Variants in GRID1 observed in about 807,000 individuals in gnomAD.
GRID1 encodes the protein glutamate receptor ionotropic, delta-1.
Under a neutral mutation model 98.0 loss-of-function variants are expected in GRID1, and 28 were observed. The observed-to-expected ratio is 0.29, with a 90% confidence interval of 0.21 to 0.39. The LOEUF (loss-of-function observed/expected upper bound fraction) is 0.39, where lower values mean the gene tolerates loss of function less well. Among genes scored for constraint, GRID1 ranks in the 10% least tolerant of loss-of-function variants. The probability of loss-of-function intolerance (pLI) is 1.00; values close to 1 mark genes in which losing one functional copy is unlikely to be tolerated. For missense variants in GRID1, 1,111 were observed against 1,340.5 expected (o/e 0.83, Z 2.67); for synonymous variants, 553 against 538.5 (o/e 1.03, Z -0.37).
At chr10:85,681,704 G>A (rs1050116679) in intron 12 of GRID1, among the ~76,000 whole-genome samples, 13 of 152,044 alleles carry the variant, frequency 8.6e-5, no homozygotes, top group African/African-American at 2.7e-4. Flanking sequence ...TTCAGCCCAC[G>A]CACCTGACAC....
In GRID1 at chr10:86,268,034, C is replaced by T. The variant is rs138441602; in HGVS notation, c.236-61386G>A. Among the ~76,000 whole-genome samples, 335 of 152,304 alleles carry T rather than the reference C, an allele frequency of 2.2e-3. 1 individual carries two copies. The highest frequency in any genetic ancestry group is 3.6e-3 in the Non-Finnish European group (243 of 68,024). On this transcript the variant is annotated intron_variant, in intron 2 of 15. Coordinates refer to ENST00000327946, the MANE Select transcript of GRID1 (RefSeq NM_017551.3). The stretch of plus-strand genomic sequence containing the variant: ...CTGTGTCATGCACAGTCATCTTACC[C>T]GGAGGCAAACCTTTCCTGGGTTATA...
intron 2 of GRID1, among the ~76,000 whole-genome samples, chr10:86,211,172 C>A (rs1003625181): frequency 8.5e-5 from 13 of 152,222 alleles, no homozygotes; most frequent in Non-Finnish European, 1.6e-4. Context: ...TGCTGCCTGG[C>A]ACATAGTAGC....
chr10:86,203,271 G>A (rs1845978742), intron 3 of GRID1, among the ~76,000 whole-genome samples: 1 of 152,174 alleles, frequency 6.6e-6, no homozygotes, highest in Non-Finnish European at 1.5e-5. Context: ...GAGTCAGTGG[G>A]AGGAGGGGCC....
rs73334801 is a variant in GRID1, at chr10:85,845,823, G to A, written c.1233+8673C>T. Among the ~76,000 whole-genome samples the A allele has an allele frequency of 5.7e-3, 867 of 152,270 alleles. 8 individuals are homozygous for A. The highest frequency in any genetic ancestry group is 0.02 in the African/African-American group (815 of 41,536). ...ATCTAAAACTACATACAACAATAAT[G>A]ATGAATCTTACTAACATAATGTTGA... On this transcript the variant is annotated intron_variant, in intron 8 of 15. Coordinates refer to ENST00000327946, the MANE Select transcript of GRID1 (RefSeq NM_017551.3).
chr10:85,861,640 G>A (rs1843164769), intron 6 of GRID1, among the ~76,000 whole-genome samples: 1 of 152,240 alleles, frequency 6.6e-6, no homozygotes, highest in African/African-American at 2.4e-5. Context: ...ACATAGCAAG[G>A]CTGGCTCAGC....
At chr10:86,024,910 G>A (rs1297028401) in intron 4 of GRID1, among the ~76,000 whole-genome samples, 5 of 152,122 alleles carry the variant, frequency 3.3e-5, no homozygotes, top group Non-Finnish European at 5.9e-5. Flanking sequence ...GATGAGGCCA[G>A]TCATCCTAGG....
intron 4 of GRID1, among the ~76,000 whole-genome samples, chr10:86,047,858 C>G (rs1843446455): frequency 6.6e-6 from 1 of 152,318 alleles, no homozygotes; most frequent in African/African-American, 2.4e-5. Context: ...AGCTTCTGTT[C>G]TCAGAGGTTA....
At chr10:85,825,243 G>A (rs773247889) in intron 8 of GRID1, among the ~76,000 whole-genome samples, 1 of 152,206 alleles carries the variant, frequency 6.6e-6, no homozygotes, top group Non-Finnish European at 1.5e-5. Context: ...GCTGGGGTAA[G>A]GTGATATTTC....
intron 7 of GRID1, among the ~76,000 whole-genome samples, chr10:85,854,896 C>A (rs1315191318): frequency 1.3e-5 from 2 of 152,234 alleles, no homozygotes; most frequent in African/African-American, 4.8e-5. Context: ...AGGCACCATG[C>A]TAGCCATGAG....
At chr10:86,029,216 G>A (rs1379911630) in intron 4 of GRID1, among the ~76,000 whole-genome samples, 1 of 152,166 alleles carries the variant, frequency 6.6e-6, no homozygotes, top group African/African-American at 2.4e-5. Flanking sequence ...CCTTGTCATT[G>A]TAGCAAATGG....
At chr10:86,115,774 C>T (rs1191571245) in intron 4 of GRID1, among the ~76,000 whole-genome samples, 1 of 152,214 alleles carries the variant, frequency 6.6e-6, no homozygotes, top group African/African-American at 2.4e-5. Context: ...GCAGAAGGAG[C>T]CTGCTGGTCT....
At chr10:86,145,547 T>TACACACAC (rs201208047) in intron 3 of GRID1, among the ~76,000 whole-genome samples, 4 of 145,628 alleles carry the variant, frequency 2.7e-5, no homozygotes, top group Non-Finnish European at 6.0e-5. Context: ...ATCCTCCACA[T>TACACACAC]ACACACACAC....
At chr10:85,826,275 C>T (rs1005602746) in intron 8 of GRID1, among the ~76,000 whole-genome samples, 12 of 152,164 alleles carry the variant, frequency 7.9e-5, no homozygotes, top group African/African-American at 2.2e-4. Context: ...GCGAAGGTTG[C>T]GGTGAGCCGA....
Position 85,601,448 on chromosome 10 carries a change from G to A in GRID1, c.*825C>T, listed in dbSNP as rs1281452350. 3.3e-5 allele frequency: 5 copies of A among 152,162 alleles called. 1 individual carries two copies. Among genetic ancestry groups the A allele is most frequent in the African/African-American group, 1.2e-4 (5 of 41,418 alleles). The allele number at this position is 152,162 out of a possible 1,614,324, so 9.4% of individuals were successfully genotyped here. ...CTCCGCCCAGTCTCCCTGAGGAAAC[G>A]ATGGAGTCTGCCCTCCTTCCCCCAA... On this transcript the variant is annotated 3_prime_UTR_variant, in exon 16 of 16. Transcript: ENST00000327946.
At chr10:86,162,388 C>T (rs1447151677) in intron 3 of GRID1, among the ~76,000 whole-genome samples, 1 of 152,142 alleles carries the variant, frequency 6.6e-6, no homozygotes, top group Non-Finnish European at 1.5e-5. Flanking sequence ...GCCATACATC[C>T]CCATCCCAGC....
At chr10:86,065,624 C>T (rs1053534960) in intron 4 of GRID1, among the ~76,000 whole-genome samples, 9 of 152,218 alleles carry the variant, frequency 5.9e-5, no homozygotes, top group African/African-American at 2.2e-4. Context: ...TAACACAAAG[C>T]CAGGCCCTTA....
intron 2 of GRID1, among the ~76,000 whole-genome samples, chr10:86,296,582 T>C (rs536559293): frequency 9.2e-5 from 14 of 152,052 alleles, no homozygotes; most frequent in Middle Eastern, 3.4e-3. Context: ...CTACTAAAAA[T>C]ACAAAAATTA....
chr10:85,850,938 T>C (rs899165955), intron 8 of GRID1, among the ~76,000 whole-genome samples: 2 of 152,180 alleles, frequency 1.3e-5, no homozygotes, highest in African/African-American at 2.4e-5. Flanking sequence ...TTTTGGATAC[T>C]GTGGATGCTT....
chr10:86,189,542 T>C (rs1845772389), intron 3 of GRID1, among the ~76,000 whole-genome samples: 2 of 151,740 alleles, frequency 1.3e-5, no homozygotes, highest in South Asian at 4.2e-4. Context: ...ATGCACACAT[T>C]TCCACTCTAT....
Sources: gnomAD v4.1 joint callset for allele counts (sites outside exome capture counted in the v4.1 genomes callset) on GRCh38, gnomAD v4.1.1 for gene constraint, MANE v1.5 for transcripts, NCBI Gene and HGNC (gene_info 2026-07-23, HGNC 2026-07-21) for gene names.